Variants in FHIT observed in about 807,000 individuals in gnomAD.
FHIT encodes bis(5'-adenosyl)-triphosphatase.
FHIT carries 19 observed loss-of-function variants against 17.9 expected under a neutral mutation model. The ratio of observed to expected loss-of-function variants is 1.06; its 90% confidence interval spans 0.74 to 1.56. FHIT has a LOEUF of 1.56. Ranked by LOEUF, FHIT falls within the 40% of genes most tolerant of loss-of-function variation. The pLI is 0.00. For missense variants in FHIT, 248 were observed against 189.2 expected (o/e 1.31, Z -1.82); for synonymous variants, 81 against 69.7 (o/e 1.16, Z -0.81).
At chr3:60,237,354 C>T (rs985241794) in intron 5 of FHIT, among the ~76,000 whole-genome samples, 2 of 149,542 alleles carry the variant, frequency 1.3e-5, no homozygotes, top group African/African-American at 4.9e-5. Flanking sequence ...TTACACCTAC[C>T]ATGGTGTGTT....
intron 5 of FHIT, among the ~76,000 whole-genome samples, chr3:60,399,649 A>G (rs969458932): frequency 1.3e-5 from 2 of 152,160 alleles, no homozygotes; most frequent in African/African-American, 4.8e-5. Context: ...TTTTCTAGGA[A>G]AATGATTATT....
At chr3:59,839,789 G>C (rs542912120) in intron 8 of FHIT, among the ~76,000 whole-genome samples, 350 of 152,164 alleles carry the variant, frequency 2.3e-3, no homozygotes, top group Middle Eastern at 0.014. Flanking sequence ...TAGAGATGAA[G>C]GAGAAAAAAA....
intron 5 of FHIT, among the ~76,000 whole-genome samples, chr3:60,502,254 G>A (rs2034554534): frequency 6.6e-6 from 1 of 152,118 alleles, no homozygotes; most frequent in African/African-American, 2.4e-5. Flanking sequence ...AGCAGCCTGG[G>A]AAAGATTACT....
intron 7 of FHIT, among the ~76,000 whole-genome samples, chr3:60,009,577 G>T (rs2106672459): frequency 6.6e-6 from 1 of 152,014 alleles, no homozygotes; most frequent in South Asian, 2.1e-4. Flanking sequence ...TGTAGCCATA[G>T]TTATCAGCCC....
chr3:59,868,406 C>A (rs990322210), intron 8 of FHIT, among the ~76,000 whole-genome samples: 1 of 152,102 alleles, frequency 6.6e-6, no homozygotes, highest in Non-Finnish European at 1.5e-5. Flanking sequence ...ATGTGTAATA[C>A]AAGATATTGC....
intron 2 of FHIT, among the ~76,000 whole-genome samples, chr3:61,162,800 C>T (rs890373446): frequency 1.3e-5 from 2 of 152,014 alleles, no homozygotes; most frequent in Admixed American, 1.3e-4. Context: ...TCAATTAATC[C>T]CCCTACCCCA....
intron 8 of FHIT, among the ~76,000 whole-genome samples, chr3:59,822,574 A>G (rs1700834217): frequency 6.6e-6 from 1 of 151,826 alleles, no homozygotes; most frequent in Non-Finnish European, 1.5e-5. Context: ...TTTTTCATAT[A>G]TTTTTTGACC....
chr3:61,205,658 T>C (rs1269356901), intron 1 of FHIT, among the ~76,000 whole-genome samples: 4 of 152,250 alleles, frequency 2.6e-5, no homozygotes, highest in Non-Finnish European at 4.4e-5. Context: ...TTCCCACTTT[T>C]TGATGGGGTT....
In FHIT at chr3:59,777,376, A is replaced by AT. The variant is rs373490759; in HGVS notation, c.349-25056dup. ...GGGCACCTATATTTATCACCCAAAG[A>AT]TAAAAAAAAAACCCCTGACTTGTAA... On this transcript the variant is annotated intron_variant, in intron 8 of 9. Transcript: ENST00000492590. Among the ~76,000 whole-genome samples, 259 of 151,036 alleles carry AT rather than the reference A, an allele frequency of 1.7e-3. 1 individual carries two copies. Among genetic ancestry groups the AT allele is most frequent in the African/African-American group, 5.9e-3 (245 of 41,236 alleles).
At chr3:60,163,331 C>T (rs11926935) in intron 5 of FHIT, among the ~76,000 whole-genome samples, 2,048 of 152,196 alleles carry the variant, frequency 0.013, 50 homozygotes, top group African/African-American at 0.046. Context: ...TACCTTTACC[C>T]ACACGCGTGT....
rs372165706 is a variant in FHIT at position 60,417,138 on chromosome 3, T to C, written c.103+119722A>G. On this transcript the variant is annotated intron_variant, in intron 5 of 9. Coordinates refer to ENST00000492590, the MANE Select transcript of FHIT (RefSeq NM_002012.4). Reference sequence around the variant, plus strand: ...TTGAGAACAACTATTAGATCATCAATAGAGAAATGGCTAAAAAAGTGTGGC... The same window carrying C: ...TTGAGAACAACTATTAGATCATCAACAGAGAAATGGCTAAAAAAGTGTGGC... Among the ~76,000 whole-genome samples the C allele has an allele frequency of 7.9e-5, 12 of 151,166 alleles. 1 individual carries two copies. Among genetic ancestry groups the C allele is most frequent in the East Asian group, 5.8e-4 (3 of 5,134 alleles).
chr3:60,891,747 T>C (rs1008437925), intron 3 of FHIT, among the ~76,000 whole-genome samples: 1 of 152,190 alleles, frequency 6.6e-6, no homozygotes, highest in Non-Finnish European at 1.5e-5. Flanking sequence ...ATTTATTTTC[T>C]GGGACAGTGC....
intron 7 of FHIT, among the ~76,000 whole-genome samples, chr3:59,941,557 A>G (rs1385822329): frequency 6.6e-6 from 1 of 152,150 alleles, no homozygotes; most frequent in Non-Finnish European, 1.5e-5. Context: ...GTGTAGTTAT[A>G]TAACCAGAGT....
chr3:60,504,954 C>T (rs1278623373), intron 5 of FHIT, among the ~76,000 whole-genome samples: 2 of 152,180 alleles, frequency 1.3e-5, no homozygotes, highest in Admixed American at 6.5e-5. Context: ...AACTGCTATA[C>T]GTCAGCATGA....
At chr3:60,903,855 T>G (rs1553763869) in intron 3 of FHIT, among the ~76,000 whole-genome samples, 1 of 152,134 alleles carries the variant, frequency 6.6e-6, no homozygotes, top group African/African-American at 2.4e-5. Flanking sequence ...CTAGCCTATA[T>G]CCTCTGGAGG....
chr3:60,127,404 G>A (rs918351026), intron 5 of FHIT, among the ~76,000 whole-genome samples: 7 of 152,032 alleles, frequency 4.6e-5, no homozygotes, highest in Non-Finnish European at 7.4e-5. Context: ...AATGGCTTCT[G>A]CAAGTGATTA....
intron 5 of FHIT, 46 bp downstream of exon 5, chr3:60,536,814 C>G: frequency 1.3e-6 from 2 of 1,553,992 alleles, no homozygotes; most frequent in Non-Finnish European, 1.7e-6. Flanking sequence ...TGGTTAGGCT[C>G]AGAAGACTTT....
chr3:60,660,729 C>CTTTTTTTTTTTTT, intron 4 of FHIT, among the ~76,000 whole-genome samples: 494 of 37,254 alleles, frequency 0.013, 100 homozygotes, highest in Non-Finnish European at 0.019. Context: ...TTATTGTGCT[C>CTTTTTTTTTTTTT]TTTTTTTTTT....
intron 5 of FHIT, among the ~76,000 whole-genome samples, chr3:60,444,844 T>TAA (rs200142955): frequency 9.3e-5 from 14 of 150,718 alleles, no homozygotes; most frequent in African/African-American, 3.4e-4. Flanking sequence ...TAAAGTATAA[T>TAA]AAAAAAAAAT....
Sources: gnomAD v4.1 joint callset for allele counts (sites outside exome capture counted in the v4.1 genomes callset) on GRCh38, gnomAD v4.1.1 for gene constraint, MANE v1.5 for transcripts, NCBI Gene and HGNC (gene_info 2026-07-23, HGNC 2026-07-21) for gene names.